Variants in ZNF385D observed in about 807,000 individuals in gnomAD.
ZNF385D encodes the protein zinc finger protein 659.
ZNF385D carries 15 observed loss-of-function variants against 35.8 expected under a neutral mutation model. The observed-to-expected ratio is 0.42, with a 90% CI of 0.28 to 0.64. The LOEUF is 0.64. Among genes scored for constraint, ZNF385D ranks in the 30% least tolerant of loss-of-function variants. The pLI, the probability that ZNF385D is intolerant of heterozygous loss-of-function variation, is 0.23. For missense variants in ZNF385D, 474 were observed against 494.6 expected (o/e 0.96, Z 0.39); for synonymous variants, 212 against 186.8 (o/e 1.13, Z -1.10).
intron 4 of ZNF385D, among the ~76,000 whole-genome samples, chr3:21,480,100 ATT>A (rs369558911): frequency 3.0e-4 from 40 of 133,482 alleles, no homozygotes; most frequent in East Asian, 4.4e-4. Context: ...GAATGTAAGA[ATT>A]TTTTTTTTTT....
intron 3 of ZNF385D, among the ~76,000 whole-genome samples, chr3:22,016,915 T>C (rs2125447524): frequency 6.6e-6 from 1 of 151,162 alleles, no homozygotes; most frequent in Non-Finnish European, 1.5e-5. Flanking sequence ...TATCTATCTA[T>C]CCTGTCCATC....
At chr3:22,255,713 G>A (rs1291735294) in intron 2 of ZNF385D, among the ~76,000 whole-genome samples, 1 of 150,454 alleles carries the variant, frequency 6.6e-6, no homozygotes, top group Non-Finnish European at 1.5e-5. Context: ...TGTGAGAAGT[G>A]GTAAAGTTTT....
At chr3:22,186,593 C>G (rs919122922) in intron 2 of ZNF385D, among the ~76,000 whole-genome samples, 1 of 152,114 alleles carries the variant, frequency 6.6e-6, no homozygotes, top group East Asian at 1.9e-4. Context: ...TGATTTTGAT[C>G]TGACTTTCCT....
chr3:21,709,951 T>C (rs2068039769), intron 1 of ZNF385D, among the ~76,000 whole-genome samples: 1 of 152,274 alleles, frequency 6.6e-6, no homozygotes, highest in South Asian at 2.1e-4. Context: ...GTGGAATTCT[T>C]CTTAGCAATA....
Position 22,285,450 on chromosome 3 carries a change from ATT to A in ZNF385D, c.106+86998_106+86999del, listed in dbSNP as rs199854234. Among the ~76,000 whole-genome samples the A allele has an allele frequency of 6.1e-3, 924 of 152,200 alleles. 12 individuals are homozygous for A. Among genetic ancestry groups the A allele is most frequent in the African/African-American group, 0.022 (897 of 41,538 alleles). ...TTTGGGTTTGTGTTTTATTGACAGG[ATT>A]TTTTTCTCTACTGAAAAATGTAAAA... On this transcript the variant is annotated intron_variant, in intron 2 of 5. Transcript: ENST00000494108.
chr3:21,521,683 A>G (rs188451524), intron 3 of ZNF385D, among the ~76,000 whole-genome samples: 35 of 151,586 alleles, frequency 2.3e-4, no homozygotes, highest in Non-Finnish European at 4.7e-4. Context: ...AGGTCCAGGA[A>G]TTTGAGGCTG....
At chr3:22,187,095 A>G (rs2125788365) in intron 2 of ZNF385D, among the ~76,000 whole-genome samples, 1 of 152,276 alleles carries the variant, frequency 6.6e-6, no homozygotes, top group East Asian at 1.9e-4. Flanking sequence ...CGAGGAGATC[A>G]CACAATCTAA....
chr3:21,812,065 C>T (rs2072944088), intron 3 of ZNF385D, among the ~76,000 whole-genome samples: 1 of 151,924 alleles, frequency 6.6e-6, no homozygotes, highest in Non-Finnish European at 1.5e-5. Flanking sequence ...ATAGAAAACA[C>T]AAGGAATTTA....
intron 4 of ZNF385D, among the ~76,000 whole-genome samples, chr3:21,462,577 CAT>C (rs1206104196): frequency 6.6e-6 from 1 of 152,084 alleles, no homozygotes; most frequent in Non-Finnish European, 1.5e-5. Flanking sequence ...CAGATAAAAA[CAT>C]AAAGCAGGTT....
chr3:21,543,776 G>GC (rs1439597115), intron 3 of ZNF385D, among the ~76,000 whole-genome samples: 9 of 151,962 alleles, frequency 5.9e-5, no homozygotes, highest in Non-Finnish European at 1.2e-4. Flanking sequence ...ATTAAGGTAG[G>GC]CCCCCCAGCC....
intron 3 of ZNF385D, among the ~76,000 whole-genome samples, chr3:22,023,456 C>T (rs769715192): frequency 1.3e-5 from 2 of 152,132 alleles, no homozygotes; most frequent in African/African-American, 4.8e-5. Context: ...CACTGAGAAA[C>T]TAAATCTGAT....
chr3:22,110,535 A>C (rs537500865), intron 3 of ZNF385D, among the ~76,000 whole-genome samples: 123 of 152,198 alleles, frequency 8.1e-4, no homozygotes, highest in Non-Finnish European at 1.5e-4. Flanking sequence ...AACTATCACA[A>C]GGACAAAAAA....
At chr3:21,426,176 A>T (rs1308469799) in intron 5 of ZNF385D, among the ~76,000 whole-genome samples, 1 of 152,212 alleles carries the variant, frequency 6.6e-6, no homozygotes, top group Non-Finnish European at 1.5e-5. Context: ...AACAGAATAC[A>T]AACAAGCTTT....
At chr3:21,863,245 T>G (rs537318633) in intron 3 of ZNF385D, among the ~76,000 whole-genome samples, 15 of 152,180 alleles carry the variant, frequency 9.9e-5, no homozygotes, top group Non-Finnish European at 1.9e-4. Context: ...CTTTTATTTC[T>G]TGATTTCATC....
intron 3 of ZNF385D, among the ~76,000 whole-genome samples, chr3:21,560,071 A>G (rs2062885014): frequency 6.6e-6 from 1 of 152,082 alleles, no homozygotes; most frequent in African/African-American, 2.4e-5. Context: ...TGTTTTTTCA[A>G]GGTTCTTAGC....
chr3:21,722,764 T>C (rs987109647), intron 1 of ZNF385D, among the ~76,000 whole-genome samples: 4 of 152,238 alleles, frequency 2.6e-5, no homozygotes, highest in African/African-American at 4.8e-5. Context: ...TGAAGCCTGC[T>C]GGCACCAAAC....
intron 2 of ZNF385D, among the ~76,000 whole-genome samples, chr3:21,622,371 T>C (rs1158690011): frequency 1.3e-5 from 2 of 152,132 alleles, no homozygotes; most frequent in African/African-American, 4.8e-5. Context: ...CTTTTTCACT[T>C]AGTTTGGTAC....
chr3:21,735,082 C>CTACCCACATTCATTTA (rs2069183433), intron 1 of ZNF385D, among the ~76,000 whole-genome samples: 1 of 152,054 alleles, frequency 6.6e-6, no homozygotes, highest in Non-Finnish European at 1.5e-5. Context: ...TAGACTCTGC[C>CTACCCACATTCATTTA]GAGTGCAGAG....
intron 4 of ZNF385D, among the ~76,000 whole-genome samples, chr3:21,492,866 G>C (rs534909741): frequency 6.6e-6 from 1 of 151,964 alleles, no homozygotes; most frequent in East Asian, 1.9e-4. Flanking sequence ...CCCATTAATT[G>C]CAAGTTTGAT....
Sources: allele counts gnomAD v4.1 joint callset (sites outside exome capture counted in the v4.1 genomes callset), GRCh38; gene constraint gnomAD v4.1.1; transcripts MANE v1.5; gene names NCBI Gene and HGNC (gene_info 2026-07-23, HGNC 2026-07-21).